NELFB: variants seen among roughly 807,000 people sequenced by gnomAD.
NELFB encodes negative elongation factor B.
Under a neutral mutation model 60.2 loss-of-function variants are expected in NELFB, and 34 were observed. The observed-to-expected ratio is 0.56, with a 90% CI of 0.43 to 0.75. NELFB has a LOEUF of 0.75. Among genes scored for constraint, NELFB ranks in the 30% least tolerant of loss-of-function variants. The pLI is 0.00. For synonymous variants in NELFB, 459 were observed against 382.1 expected (o/e 1.20, Z -2.35); for missense variants, 770 against 831.6 (o/e 0.93, Z 0.91).
chr9:137,264,316 G>T lies in NELFB; in HGVS notation c.999G>T (p.Gly333=), dbSNP rs1420192845. ...GCAAGAGGGCGCGGGAGCTGCAGGG[G>T]TTTCTCGATGGCGTCAAGAAGGGCC... Residue 333 remains glycine, a synonymous_variant, in exon 6 of 13, where the codon GGG becomes GGT. Coordinates refer to ENST00000343053, the MANE Select transcript of NELFB (RefSeq NM_015456.5). 6.2e-7 allele frequency: 1 copy of T among 1,602,558 alleles called. No individual in the cohort carries two copies. The highest frequency in any genetic ancestry group is 2.2e-5 in the East Asian group (1 of 44,530).
chr9:137,266,604 C>T (rs1178347199), intron 8 of NELFB, among the ~76,000 whole-genome samples, 178 bp downstream of exon 8: 1 of 152,160 alleles, frequency 6.6e-6, no homozygotes, highest in African/African-American at 2.4e-5. Context: ...TCTGGGGTGT[C>T]TCCGTGGACC....
intron 12 of NELFB, 46 bp from the exon 13 acceptor site, chr9:137,272,736 G>C: frequency 6.6e-7 from 1 of 1,522,416 alleles, no homozygotes; most frequent in East Asian, 2.5e-5. Context: ...GTGCCCCCTG[G>C]GCCTGCCCAT....
chr9:137,257,047 A>C lies in NELFB; in HGVS notation c.734A>C (p.Gln245Pro). 6.2e-7 allele frequency: 1 copy of C among 1,611,192 alleles called. No homozygotes were observed. Among genetic ancestry groups the C allele is most frequent in the Non-Finnish European group, 8.5e-7 (1 of 1,178,352 alleles). ...AGTCCTTCCCCCAAGACCAGGCGCC[A>C]GGGCGAGGTGAGGGGACAGGCCGTG... Residue 245 changes from glutamine to proline, a missense_variant, in exon 4 of 13, where the codon CAG (glutamine) becomes CCG (proline). By Grantham distance (76) the Gln-to-Pro change is moderately conservative. Coordinates refer to ENST00000343053, the MANE Select transcript of NELFB (RefSeq NM_015456.5).
rs1830535101 is a variant in NELFB, at chr9:137,267,422, G to GCCCCAGGGC, written c.1489+84_1489+92dup. On this transcript the variant is annotated intron_variant, in intron 10 of 12. Coordinates refer to ENST00000343053, the MANE Select transcript of NELFB (RefSeq NM_015456.5). ...GTATGCAGTCCTGCCCAGGGTGCGG[G>GCCCCAGGGC]CCCCAGGGCCCCCAGGAGCTGCCTT... 35 of 1,308,084 alleles carry GCCCCAGGGC rather than the reference G, an allele frequency of 2.7e-5. 1 individual carries two copies. The highest frequency in any genetic ancestry group is 3.5e-5 in the Non-Finnish European group (33 of 948,740). The allele number at this position is 1,308,084 out of a possible 1,614,324, so 81.0% of individuals were successfully genotyped here.
intron 10 of NELFB, 59 bp from the exon 11 acceptor site, chr9:137,272,022 G>T: frequency 1.2e-6 from 2 of 1,601,426 alleles, no homozygotes; most frequent in Non-Finnish European, 1.7e-6. Context: ...TGAGGACAAG[G>T]GTGCCCTCTG....
At chr9:137,265,701 G>T (rs1830509498) in intron 6 of NELFB, among the ~76,000 whole-genome samples, 176 bp from the exon 7 acceptor site, 1 of 131,436 alleles carries the variant, frequency 7.6e-6, no homozygotes, top group African/African-American at 2.6e-5. Context: ...AAAGTGCTGG[G>T]ATGACAGGCT....
At position 137,256,970 on chromosome 9, in the gene NELFB, G is replaced by C. The variant is rs1211679578; in HGVS notation, c.657G>C (p.Glu219Asp). 1 of 1,614,164 alleles carries C rather than the reference G, an allele frequency of 6.2e-7. No individual in the cohort carries two copies. Among genetic ancestry groups the C allele is most frequent in the East Asian group, 2.2e-5 (1 of 44,888 alleles). ...CACTCCTGAAGCAGTACATCCTGGA[G>C]AAGGAGAGCGCTCTCTTCAGTACAG... The change falls in exon 4 of 13, where the codon GAG becomes GAC. Residue 219 changes from glutamate to aspartate, a missense_variant. Transcript: ENST00000343053.
chr9:137,259,908 T>A lies in NELFB; in HGVS notation c.741+2854T>A, dbSNP rs569400798. On this transcript the variant is annotated intron_variant, in intron 4 of 12. Transcript: ENST00000343053. ...CCCGGCTAATTTTTTGTATTTTTTT[T>A]TTTAGTAGAGACGGGGTTTCACAGT... Among the ~76,000 whole-genome samples, 1,007 of 149,830 alleles carry A rather than the reference T, an allele frequency of 6.7e-3. 10 individuals are homozygous for A. The highest frequency in any genetic ancestry group is 0.011 in the Non-Finnish European group (731 of 67,402).
chr9:137,264,789 A>G (rs1049207651), intron 6 of NELFB, among the ~76,000 whole-genome samples: 41 of 152,046 alleles, frequency 2.7e-4, no homozygotes, highest in African/African-American at 9.6e-4. Flanking sequence ...CAATAGAGCT[A>G]TGCCGGGCAC....
chr9:137,271,534 G>A (rs537001711), intron 10 of NELFB, among the ~76,000 whole-genome samples: 49 of 152,258 alleles, frequency 3.2e-4, no homozygotes, highest in Non-Finnish European at 5.9e-4. Context: ...CACGTGAGGC[G>A]TCTGTGGGCA....
chr9:137,258,580 C>G (rs1345657164), intron 4 of NELFB, among the ~76,000 whole-genome samples: 1 of 151,574 alleles, frequency 6.6e-6, no homozygotes, highest in Non-Finnish European at 1.5e-5. Context: ...TCTCGAGTAG[C>G]TGAGACTACA....
rs543468223 is a variant in NELFB, at chr9:137,269,667, G to A, written c.1489+2321G>A. On this transcript the variant is annotated intron_variant, in intron 10 of 12. Transcript: ENST00000343053. This position sits in a 1 kb window ranked among gnomAD's most constrained non-coding sequence, Gnocchi z 5.3. ...TGCTGTGCAGGTGTCTAGCTCAGGG[G>A]CATGAGGCCATGGCCCAGCCCAGTG... Among the ~76,000 whole-genome samples the A allele has an allele frequency of 6.6e-6, 1 of 152,386 alleles. No homozygotes were observed. Among genetic ancestry groups the A allele is most frequent in the African/African-American group, 2.4e-5 (1 of 41,596 alleles).
chr9:137,260,388 T>C (rs1588185372), intron 4 of NELFB, among the ~76,000 whole-genome samples: 1 of 146,108 alleles, frequency 6.8e-6, no homozygotes, highest in East Asian at 2.0e-4. Context: ...TAAAATTTAT[T>C]TTTTAAAATT....
At chr9:137,265,493 A>T (rs1830507044) in intron 6 of NELFB, among the ~76,000 whole-genome samples, 1 of 138,208 alleles carries the variant, frequency 7.2e-6, no homozygotes, top group African/African-American at 2.7e-5. Flanking sequence ...GGTTCAAGTG[A>T]TTCTCCTGCC....
rs768612199 is a variant in NELFB, at chr9:137,264,333, A to G, written c.1016A>G (p.Lys339Arg). 8.1e-6 allele frequency: 13 copies of G among 1,597,086 alleles called. No individual in the cohort carries two copies. Among genetic ancestry groups the G allele is most frequent in the Middle Eastern group, 1.8e-4 (1 of 5,488 alleles). Reference sequence around the variant, plus strand: ...CTGCAGGGGTTTCTCGATGGCGTCAAGAAGGGCCAGGAGCAGGTGCTGGGG... The same window carrying G: ...CTGCAGGGGTTTCTCGATGGCGTCAGGAAGGGCCAGGAGCAGGTGCTGGGG... The change falls in exon 6 of 13, where the codon AAG (lysine) becomes AGG (arginine). Residue 339 changes from lysine to arginine, a missense_variant. Physicochemically the swap from Lys to Arg is conservative, Grantham distance 26. Transcript: ENST00000343053.
intron 10 of NELFB, among the ~76,000 whole-genome samples, chr9:137,267,613 C>T (rs1830537440): frequency 6.6e-6 from 1 of 151,872 alleles, no homozygotes; most frequent in African/African-American, 2.4e-5. Flanking sequence ...CGTGCCTCAC[C>T]CTCCTGAGTA....
In NELFB at chr9:137,266,990, T is replaced by G. The variant is rs759414082; in HGVS notation, c.1286T>G (p.Leu429Arg). The G allele has an allele frequency of 5.6e-6, 9 of 1,613,894 alleles. No individual in the cohort carries two copies. The highest frequency in any genetic ancestry group is 7.6e-6 in the Non-Finnish European group (9 of 1,180,014). Reference sequence around the variant, plus strand: ...TTCCTCCCGATGCTCATGTCCTTCCTGGTGGATGACTACACTTTCAATGTG... The same window carrying G: ...TTCCTCCCGATGCTCATGTCCTTCCGGGTGGATGACTACACTTTCAATGTG... Residue 429 changes from leucine (L) to arginine (R), a missense_variant, in exon 9 of 13, where the codon CTG becomes CGG. Coordinates refer to ENST00000343053, the MANE Select transcript of NELFB (RefSeq NM_015456.5).
At chr9:137,257,144 C>A in intron 4 of NELFB, 90 bp downstream of exon 4, 2 of 1,123,044 alleles carry the variant, frequency 1.8e-6, no homozygotes, top group Non-Finnish European at 2.6e-6. Context: ...CACTCTGCTG[C>A]CCTGTGAATG....
chr9:137,257,053 A>G lies in NELFB; in HGVS notation c.740A>G (p.Glu247Gly), dbSNP rs780801133. Residue 247 changes from glutamate to glycine, a missense_variant and splice_region_variant, in exon 4 of 13, where the codon GAG (glutamate) becomes GGG (glycine). Transcript: ENST00000343053. ...TCCCCCAAGACCAGGCGCCAGGGCG[A>G]GGTGAGGGGACAGGCCGTGTGCGGG... The G allele has an allele frequency of 1.9e-6, 3 of 1,610,222 alleles. No homozygotes were observed. Among genetic ancestry groups the G allele is most frequent in the Non-Finnish European group, 2.5e-6 (3 of 1,177,902 alleles).
Sources: gnomAD v4.1 joint callset for allele counts (sites outside exome capture counted in the v4.1 genomes callset) on GRCh38, gnomAD v4.1.1 for gene constraint, Gnocchi (gnomAD v3.1) non-coding constraint, MANE v1.5 for transcripts, NCBI Gene and HGNC (gene_info 2026-07-23, HGNC 2026-07-21) for gene names.